ST18: variants seen among roughly 807,000 people sequenced by gnomAD.
ST18 encodes the protein suppression of tumorigenicity 18 protein.
Under a neutral mutation model 110.0 loss-of-function variants are expected in ST18, and 50 were observed. The observed-to-expected ratio is 0.45, with a 90% CI of 0.36 to 0.58. The LOEUF is 0.58. Among genes scored for constraint, ST18 ranks in the 20% least tolerant of loss-of-function variants. ST18 has a pLI of 0.00. For synonymous variants in ST18, 461 were observed against 452.4 expected, an observed-to-expected ratio of 1.02 and a Z score of -0.24; for missense variants, 1,306 against 1,280.1, an observed-to-expected ratio of 1.02 and a Z score of -0.31.
At chr8:52,279,253 C>A (rs1015125542) in intron 2 of ST18, among the ~76,000 whole-genome samples, 5 of 152,102 alleles carry the variant, frequency 3.3e-5, no homozygotes, top group African/African-American at 1.2e-4. Flanking sequence ...AGCATAACAT[C>A]TAGGAATAAA....
At chr8:52,199,978 A>G (rs766149407) in intron 8 of ST18, among the ~76,000 whole-genome samples, 6 of 152,230 alleles carry the variant, frequency 3.9e-5, no homozygotes, top group Non-Finnish European at 7.3e-5. Context: ...TATAGGAATT[A>G]CCGCAATGTG....
Position 52,356,520 on chromosome 8 carries a change from T to C in ST18, c.-465+52808A>G, listed in dbSNP as rs183594468. On this transcript the variant is annotated intron_variant, in intron 2 of 25. Transcript: ENST00000689386. ...GAAGGGGAGAGTCTGATTTACAGAGTTGTCACATTATAATATTCAAAATGT... is the reference window on the plus strand; with the variant it reads ...GAAGGGGAGAGTCTGATTTACAGAGCTGTCACATTATAATATTCAAAATGT... 5.3e-5 allele frequency among the ~76,000 whole-genome samples: 8 copies of C among 151,944 alleles called. No homozygotes were observed. In the East Asian group the frequency reaches 1.6e-3, roughly 29 times the overall value.
chr8:52,116,124 A>G (rs1040925764), intron 25 of ST18, 151 bp downstream of exon 25: 2 of 765,150 alleles, frequency 2.6e-6, no homozygotes, highest in Admixed American at 3.0e-5. Context: ...AGAGAGGGAG[A>G]TTACTCCAAG....
At chr8:52,194,167 G>T (rs562407036) in intron 8 of ST18, among the ~76,000 whole-genome samples, 16 of 151,966 alleles carry the variant, frequency 1.1e-4, no homozygotes, top group Non-Finnish European at 2.1e-4. Flanking sequence ...AAATAACCAA[G>T]CCATTAAAAG....
chr8:52,282,720 G>A (rs1451492381), intron 2 of ST18, among the ~76,000 whole-genome samples: 1 of 151,972 alleles, frequency 6.6e-6, no homozygotes, highest in Admixed American at 6.5e-5. Flanking sequence ...CAGTGCCGCT[G>A]GGGTGAGTCA....
chr8:52,400,525 G>T (rs1842543041), intron 2 of ST18, among the ~76,000 whole-genome samples: 1 of 151,882 alleles, frequency 6.6e-6, no homozygotes, highest in African/African-American at 2.4e-5. Flanking sequence ...GTCTGCCTTT[G>T]TGATTTGTTG....
intron 22 of ST18, among the ~76,000 whole-genome samples, chr8:52,128,142 T>C (rs1490525739): frequency 6.6e-6 from 1 of 152,202 alleles, no homozygotes; most frequent in Non-Finnish European, 1.5e-5. Flanking sequence ...CTAATTTTTG[T>C]ATTTTTAGTA....
At chr8:52,174,918 T>C (rs2066319639) in intron 9 of ST18, among the ~76,000 whole-genome samples, 1 of 152,090 alleles carries the variant, frequency 6.6e-6, no homozygotes, top group African/African-American at 2.4e-5. Flanking sequence ...ATGGGGTGCT[T>C]GTTTCTCCCA....
intron 2 of ST18, among the ~76,000 whole-genome samples, chr8:52,231,007 G>C (rs1420284807): frequency 6.6e-6 from 1 of 152,148 alleles, no homozygotes; most frequent in Non-Finnish European, 1.5e-5. Context: ...AAGAGAAACA[G>C]ACCCCCAAAA....
chr8:52,220,287 A>C (rs947893064), intron 5 of ST18, among the ~76,000 whole-genome samples: 1 of 152,202 alleles, frequency 6.6e-6, no homozygotes, highest in Non-Finnish European at 1.5e-5. Context: ...ATTTCTCTCA[A>C]GAATAATCCA....
intron 2 of ST18, among the ~76,000 whole-genome samples, chr8:52,231,260 T>G (rs1244680730): frequency 6.6e-6 from 1 of 152,210 alleles, no homozygotes; most frequent in Non-Finnish European, 1.5e-5. Flanking sequence ...TTATATATTT[T>G]CCATCCTTCC....
At position 52,113,346 on chromosome 8, in the gene ST18, G is replaced by A. The variant is rs753734277; in HGVS notation, c.3004-8C>T. On this transcript the variant is annotated splice_region_variant and splice_polypyrimidine_tract_variant and intron_variant, in intron 25 of 25. Transcript: ENST00000689386. ...CTGCTCACTGATAGGTCCCTAAATGGAGACAAAACACATTGACCCAATCAC... is the reference window on the plus strand; with the variant it reads ...CTGCTCACTGATAGGTCCCTAAATGAAGACAAAACACATTGACCCAATCAC... The A allele has an allele frequency of 6.2e-7, 1 of 1,613,206 alleles. No homozygotes were observed. Among genetic ancestry groups the A allele is most frequent in the Non-Finnish European group, 8.5e-7 (1 of 1,179,590 alleles).
At chr8:52,293,780 TATATTTATAAATA>T (rs1420243511) in intron 2 of ST18, among the ~76,000 whole-genome samples, 2 of 152,216 alleles carry the variant, frequency 1.3e-5, no homozygotes, top group Non-Finnish European at 2.9e-5. Context: ...CTAAATAGGA[TATATTTATAAATA>T]ATATATCATT....
At chr8:52,212,257 A>G in intron 7 of ST18, 148 bp from the exon 8 acceptor site, 1 of 714,798 alleles carries the variant, frequency 1.4e-6, no homozygotes, top group Non-Finnish European at 2.3e-6. Flanking sequence ...TTCTTTGGAG[A>G]TGAGAGGACA....
At chr8:52,336,290 C>G (rs758210571) in intron 2 of ST18, among the ~76,000 whole-genome samples, 1 of 152,062 alleles carries the variant, frequency 6.6e-6, no homozygotes, top group African/African-American at 2.4e-5. Context: ...GGTGGAATTA[C>G]AGGTGCGCAC....
At chr8:52,202,752 A>G (rs2078450739) in intron 8 of ST18, among the ~76,000 whole-genome samples, 1 of 152,246 alleles carries the variant, frequency 6.6e-6, no homozygotes, top group African/African-American at 2.4e-5. Flanking sequence ...CAGAGTTGAG[A>G]TGGAAAGAAT....
At chr8:52,279,661 A>G (rs939428225) in intron 2 of ST18, among the ~76,000 whole-genome samples, 3 of 152,330 alleles carry the variant, frequency 2.0e-5, no homozygotes, top group Admixed American at 1.3e-4. Context: ...GAAGGGAAAT[A>G]TAGTGAATTG....
intron 2 of ST18, among the ~76,000 whole-genome samples, chr8:52,233,557 T>C (rs1256484954): frequency 6.6e-6 from 1 of 152,208 alleles, no homozygotes; most frequent in Non-Finnish European, 1.5e-5. Flanking sequence ...TCTCCTTGGA[T>C]GGCTTTCAAG....
chr8:52,399,793 T>C (rs1842322223), intron 2 of ST18, among the ~76,000 whole-genome samples: 2 of 152,074 alleles, frequency 1.3e-5, no homozygotes, highest in Non-Finnish European at 2.9e-5. Context: ...TGGAAAAAAA[T>C]GGTACATATA....
Sources: allele counts gnomAD v4.1 joint callset (sites outside exome capture counted in the v4.1 genomes callset), GRCh38; gene constraint gnomAD v4.1.1; transcripts MANE v1.5; gene names NCBI Gene and HGNC (gene_info 2026-07-23, HGNC 2026-07-21).